The following NVL variants were observed in gnomAD, a reference collection of about 807,000 sequenced individuals.
The protein encoded by NVL is nuclear valosin-containing protein-like.
NVL carries 84 observed loss-of-function variants against 110.2 expected under a neutral mutation model. The observed-to-expected ratio is 0.76, with a 90% CI of 0.64 to 0.91. The LOEUF (loss-of-function observed/expected upper bound fraction) is 0.91. NVL is among the 40% of genes least tolerant of loss of function. NVL has a pLI of 0.00. For synonymous variants in NVL, 354 were observed against 361.1 expected (o/e 0.98, Z 0.22); for missense variants, 882 against 1,035.9 (o/e 0.85, Z 2.04).
intron 19 of NVL, among the ~76,000 whole-genome samples, chr1:224,246,404 A>G (rs1472913227): frequency 6.6e-6 from 1 of 152,198 alleles, no homozygotes; most frequent in Non-Finnish European, 1.5e-5. Flanking sequence ...GAAATTCTAG[A>G]TGAATGAAGT....
intron 18 of NVL, among the ~76,000 whole-genome samples, chr1:224,252,168 C>A (rs1334370479): frequency 6.6e-6 from 1 of 152,156 alleles, no homozygotes; most frequent in African/African-American, 2.4e-5. Context: ...TGGTTCCCTT[C>A]CCTGAAGTGC....
At chr1:224,248,191 T>C (rs1000869014) in intron 19 of NVL, among the ~76,000 whole-genome samples, 2 of 152,212 alleles carry the variant, frequency 1.3e-5, no homozygotes, top group African/African-American at 4.8e-5. Flanking sequence ...TGCAAATTCA[T>C]CTACCTTTTC....
intron 5 of NVL, among the ~76,000 whole-genome samples, chr1:224,310,534 T>C (rs1038519294): frequency 4.6e-5 from 7 of 152,176 alleles, no homozygotes; most frequent in Admixed American, 2.0e-4. Context: ...AGCTATTCTC[T>C]TCCCTTCTTT....
In NVL at chr1:224,326,326, T is replaced by C; in HGVS notation, c.131+65A>G. 6.8e-6 allele frequency: 8 copies of C among 1,176,884 alleles called. No individual in the cohort carries two copies. The South Asian group carries it at 8.1e-5, about 12-fold the overall frequency. The allele number at this position is 1,176,884 out of a possible 1,614,324, so 72.9% of individuals were successfully genotyped here. A position where few individuals can be genotyped will look rare whatever the true frequency, so the allele number is the denominator to read the frequency against. On this transcript the variant is annotated intron_variant, in intron 2 of 22. Transcript: ENST00000281701. ...ATATCAACTGGAAATTTAGGCAGGATATAAACTTTTAAAATGGTAAAGGAG... is the reference window on the plus strand; with the variant it reads ...ATATCAACTGGAAATTTAGGCAGGACATAAACTTTTAAAATGGTAAAGGAG...
intron 19 of NVL, among the ~76,000 whole-genome samples, chr1:224,237,959 TTCAAAAAAAAAAA>T (rs755423668): frequency 3.6e-5 from 3 of 83,388 alleles, no homozygotes; most frequent in Non-Finnish European, 5.1e-5. Context: ...GAGACTTGGT[TTCAAAAAAAAAAA>T]AAAAAAAAAA....
chr1:224,319,153 C>CAAAAAAA (rs770885193), intron 2 of NVL, among the ~76,000 whole-genome samples: 3 of 47,116 alleles, frequency 6.4e-5, no homozygotes, highest in Non-Finnish European at 1.1e-4. Context: ...GACTCCGTCT[C>CAAAAAAA]AAAAAAAAAA....
chr1:224,272,021 A>C (rs1470196265), intron 17 of NVL, among the ~76,000 whole-genome samples: 4 of 151,502 alleles, frequency 2.6e-5, no homozygotes, highest in South Asian at 2.1e-4. Flanking sequence ...CTCAAAAAAA[A>C]CAGAATGCAT....
intron 16 of NVL, 101 bp downstream of exon 16, chr1:224,281,022 A>G (rs1666254865): frequency 9.1e-7 from 1 of 1,101,920 alleles, no homozygotes; most frequent in South Asian, 1.3e-5. Flanking sequence ...TAAATACCAA[A>G]ATACCACAAT....
At chr1:224,233,696 T>C (rs1455666447) in intron 20 of NVL, among the ~76,000 whole-genome samples, 3 of 152,040 alleles carry the variant, frequency 2.0e-5, no homozygotes, top group Admixed American at 1.3e-4. Context: ...GAGGTGGCGG[T>C]TGCAATGAGC....
At chr1:224,269,141 G>C (rs1415942172) in intron 17 of NVL, among the ~76,000 whole-genome samples, 3 of 138,604 alleles carry the variant, frequency 2.2e-5, no homozygotes, top group Admixed American at 1.5e-4. Flanking sequence ...AGGCTAGAGT[G>C]TACTGGTGTG....
At chr1:224,231,166 C>A in intron 22 of NVL, 60 bp downstream of exon 22, 1 of 1,100,258 alleles carries the variant, frequency 9.1e-7, no homozygotes, top group South Asian at 1.3e-5. Flanking sequence ...TTCATGAGGT[C>A]ATATCTACTG....
chr1:224,307,888 C>T, intron 6 of NVL, 103 bp downstream of exon 6: 11 of 1,098,648 alleles, frequency 1.0e-5, no homozygotes, highest in Non-Finnish European at 1.4e-5. Flanking sequence ...TTTAAAGTTC[C>T]TATGCCTTCC....
At chr1:224,253,677 G>C (rs892744671) in intron 18 of NVL, among the ~76,000 whole-genome samples, 9 of 146,280 alleles carry the variant, frequency 6.2e-5, no homozygotes, top group African/African-American at 1.8e-4. Flanking sequence ...AGGTTGCAGT[G>C]AGCCGAGATC....
intron 19 of NVL, among the ~76,000 whole-genome samples, chr1:224,240,311 C>A (rs1445289029): frequency 6.6e-6 from 1 of 152,112 alleles, no homozygotes. Context: ...TCAGGTGATC[C>A]ACCCACCTTG....
intron 12 of NVL, among the ~76,000 whole-genome samples, chr1:224,290,384 C>T (rs541136973): frequency 3.3e-5 from 5 of 152,294 alleles, no homozygotes; most frequent in African/African-American, 1.2e-4. Context: ...AGGGCAGGTG[C>T]GGTGGCTCAC....
At chr1:224,271,543 T>C (rs866779282) in intron 17 of NVL, among the ~76,000 whole-genome samples, 2 of 151,976 alleles carry the variant, frequency 1.3e-5, no homozygotes, top group Admixed American at 6.6e-5. Context: ...AATTTTTTTA[T>C]GTTTCTGGAA....
rs549206170 is a variant in NVL, at chr1:224,263,350, G to A, written c.2182+4684C>T. On this transcript the variant is annotated intron_variant, in intron 18 of 22. Transcript: ENST00000281701. ...TTACAATGGTAAAGCATCCAACAGA[G>A]GGCCTGGCACTTAGTAGGTGCTCCA... 3.3e-4 allele frequency among the ~76,000 whole-genome samples: 51 copies of A among 152,324 alleles called. 1 individual carries two copies. Among genetic ancestry groups the A allele is most frequent in the Non-Finnish European group, 5.4e-4 (37 of 68,030 alleles).
chr1:224,283,019 TG>T (rs751016672), intron 15 of NVL, among the ~76,000 whole-genome samples: 1 of 152,222 alleles, frequency 6.6e-6, no homozygotes, highest in African/African-American at 2.4e-5. Context: ...TCTGGATTCT[TG>T]GGCACATAGT....
chr1:224,250,069 A>G, intron 19 of NVL, 143 bp downstream of exon 19: 1 of 697,698 alleles, frequency 1.4e-6, no homozygotes, highest in Non-Finnish European at 2.3e-6. Flanking sequence ...AGATCAGTTC[A>G]CCTTCCCTTT....
Sources: allele counts gnomAD v4.1 joint callset (sites outside exome capture counted in the v4.1 genomes callset), GRCh38; gene constraint gnomAD v4.1.1; transcripts MANE v1.5; gene names NCBI Gene and HGNC (gene_info 2026-07-23, HGNC 2026-07-21).